Variants in ANO3 observed in about 807,000 individuals in gnomAD.
The protein encoded by ANO3 is anoctamin-3.
In ANO3, 99 loss-of-function variants were observed where a neutral mutation model predicts 144.8. The observed-to-expected ratio is 0.68, with a 90% CI of 0.58 to 0.81. The LOEUF is 0.81. Ranked by LOEUF, ANO3 falls within the 30% of genes least tolerant of loss-of-function variation. ANO3 has a pLI of 0.00. For missense variants in ANO3, 905 were observed against 1,202.2 expected (o/e 0.75, Z 3.66); for synonymous variants, 414 against 392.6 (o/e 1.05, Z -0.64).
At chr11:26,197,418 G>A (rs1375595878) in intron 1 of ANO3, among the ~76,000 whole-genome samples, 4 of 151,806 alleles carry the variant, frequency 2.6e-5, no homozygotes, top group African/African-American at 4.8e-5. Context: ...GCGCAATCTC[G>A]GCTCACTGCA....
chr11:26,504,450 T>TA (rs374431414), intron 4 of ANO3, among the ~76,000 whole-genome samples: 23 of 152,300 alleles, frequency 1.5e-4, no homozygotes, highest in African/African-American at 5.5e-4. Flanking sequence ...ACCAAAAAGT[T>TA]AAAAAATTTC....
intron 1 of ANO3, among the ~76,000 whole-genome samples, chr11:26,436,727 C>T (rs1858309562): frequency 6.6e-6 from 1 of 152,130 alleles, no homozygotes; most frequent in Admixed American, 6.6e-5. Context: ...GCCTTGCACT[C>T]TCCAAAACTC....
intron 24 of ANO3, among the ~76,000 whole-genome samples, chr11:26,654,143 G>A (rs747413184): frequency 6.6e-6 from 1 of 152,046 alleles, no homozygotes; most frequent in Non-Finnish European, 1.5e-5. Flanking sequence ...TGCTAATATA[G>A]ATTCTTTACA....
Position 26,656,479 on chromosome 11 carries a change from G to A in ANO3, c.2761G>A (p.Glu921Lys). The A allele has an allele frequency of 6.3e-7, 1 of 1,579,144 alleles. No individual in the cohort carries two copies. Among genetic ancestry groups the A allele is most frequent in the Non-Finnish European group, 8.7e-7 (1 of 1,148,944 alleles). Residue 921 changes from glutamate (E) to lysine (K), a missense_variant and splice_region_variant, in exon 26 of 27, where the codon GAG becomes AAG. Around this residue, in one of 4 missense-constraint regions of ANO3, gnomAD observed 597 missense variants for 865.1 expected, o/e 0.69. Coordinates refer to ENST00000256737, the MANE Select transcript of ANO3 (RefSeq NM_031418.4). ...AARLAFIIVF[E>K]HLVFGIKSFI... The stretch of plus-strand genomic sequence containing the variant: ...TAGATTGGCCTTCATTATTGTGTTT[G>A]AGGTTAGTCACAAGCTGAGATGAAA...
intron 14 of ANO3, among the ~76,000 whole-genome samples, chr11:26,593,866 T>C (rs750522725): frequency 6.6e-6 from 1 of 152,156 alleles, no homozygotes; most frequent in Non-Finnish European, 1.5e-5. Context: ...TTTTATCCTG[T>C]TCGTCCCGTT....
intron 12 of ANO3, among the ~76,000 whole-genome samples, chr11:26,551,643 C>A (rs535199490): frequency 1.1e-4 from 17 of 151,926 alleles, no homozygotes; most frequent in African/African-American, 4.1e-4. Flanking sequence ...AACTTCAATA[C>A]CTTTTTAGTA....
intron 1 of ANO3, among the ~76,000 whole-genome samples, chr11:26,311,188 C>T (rs1189188745): frequency 1.3e-5 from 2 of 152,090 alleles, no homozygotes; most frequent in East Asian, 1.9e-4. Context: ...TGAAATTATT[C>T]TTATGTGTCA....
intron 1 of ANO3, among the ~76,000 whole-genome samples, chr11:26,211,091 G>A (rs1021626040): frequency 2.0e-5 from 3 of 151,940 alleles, no homozygotes; most frequent in African/African-American, 7.3e-5. Context: ...TTCTAAAATT[G>A]ACCACATAAT....
chr11:26,249,487 G>C (rs182989489), intron 1 of ANO3, among the ~76,000 whole-genome samples: 2 of 152,178 alleles, frequency 1.3e-5, no homozygotes, highest in East Asian at 3.9e-4. Flanking sequence ...TGGTGTTCCG[G>C]TATCTAATAC....
intron 15 of ANO3, 50 bp downstream of exon 15, chr11:26,598,497 A>G: frequency 7.6e-7 from 1 of 1,317,664 alleles, no homozygotes; most frequent in Non-Finnish European, 1.1e-6. Flanking sequence ...ATTACAGGAT[A>G]TGGAAAATTA....
Position 26,586,114 on chromosome 11 carries a change from G to C in ANO3, c.1448-12251G>C, listed in dbSNP as rs17243461. On this transcript the variant is annotated intron_variant, in intron 14 of 26. Coordinates refer to ENST00000256737, the MANE Select transcript of ANO3 (RefSeq NM_031418.4). ...AACTGCTTATTCTCTAGGCTACTCT[G>C]ATCAACCCTGGCTGCACATTGGAAG... 2.0e-5 allele frequency among the ~76,000 whole-genome samples: 3 copies of C among 152,066 alleles called. No individual in the cohort carries two copies. In the East Asian group the frequency reaches 5.8e-4, roughly 29 times the overall value.
At chr11:26,278,103 C>T (rs1285765124) in intron 1 of ANO3, among the ~76,000 whole-genome samples, 1 of 152,078 alleles carries the variant, frequency 6.6e-6, no homozygotes, top group Non-Finnish European at 1.5e-5. Context: ...TTCTCTTTCT[C>T]TGCTTCTGTG....
chr11:26,615,165 T>C (rs1420527334), intron 17 of ANO3, among the ~76,000 whole-genome samples: 1 of 145,528 alleles, frequency 6.9e-6, no homozygotes, highest in Non-Finnish European at 1.5e-5. Flanking sequence ...ATGAAATGCA[T>C]TTTCTTTTCT....
At chr11:26,433,926 G>A (rs943622544) in intron 1 of ANO3, among the ~76,000 whole-genome samples, 18 of 152,310 alleles carry the variant, frequency 1.2e-4, no homozygotes, top group Admixed American at 1.0e-3. Flanking sequence ...ATGAGTTGGA[G>A]AGGAGTCCTT....
chr11:26,420,309 T>C (rs1383858992), intron 1 of ANO3, among the ~76,000 whole-genome samples: 1 of 152,092 alleles, frequency 6.6e-6, no homozygotes, highest in African/African-American at 2.4e-5. Context: ...TGTTGCTTTC[T>C]ACTCCCAAAA....
chr11:26,508,864 C>A (rs1012620176), intron 5 of ANO3: 2 of 151,486 alleles, frequency 1.3e-5, no homozygotes, highest in Non-Finnish European at 1.5e-5. Flanking sequence ...AAAGAAAAAA[C>A]CTTAAGGTAG....
intron 1 of ANO3, among the ~76,000 whole-genome samples, chr11:26,205,602 C>T (rs1329749827): frequency 6.6e-6 from 1 of 152,160 alleles, no homozygotes; most frequent in Non-Finnish European, 1.5e-5. Context: ...TCTATTCTAG[C>T]AGTCACCTTA....
At chr11:26,595,091 CAA>C (rs1851570315) in intron 14 of ANO3, among the ~76,000 whole-genome samples, 1 of 152,170 alleles carries the variant, frequency 6.6e-6, no homozygotes. Flanking sequence ...AGTCATTTTC[CAA>C]TGAGCTTTAG....
At chr11:26,516,766 G>A in intron 5 of ANO3, 61 bp from the exon 6 acceptor site, 1 of 1,170,340 alleles carries the variant, frequency 8.5e-7, no homozygotes, top group Non-Finnish European at 1.3e-6. Context: ...AAATCAAACT[G>A]TGGCATGATA....
Sources: allele counts gnomAD v4.1 joint callset (sites outside exome capture counted in the v4.1 genomes callset), GRCh38; gene constraint gnomAD v4.1.1; regional missense constraint gnomAD v4.1.1; transcripts MANE v1.5; gene names NCBI Gene and HGNC (gene_info 2026-07-23, HGNC 2026-07-21).